RSF1: variants seen among roughly 807,000 people sequenced by gnomAD.
RSF1 encodes the protein HBV pX-associated protein 8.
In RSF1, 13 loss-of-function variants were observed where a neutral mutation model predicts 145.2. The ratio of observed to expected loss-of-function variants is 0.09; its 90% confidence interval spans 0.06 to 0.14. The LOEUF (loss-of-function observed/expected upper bound fraction) is 0.14. RSF1 is among the 10% of genes least tolerant of loss of function. The probability of loss-of-function intolerance (pLI) is 1.00; values close to 1 mark genes in which losing one functional copy is unlikely to be tolerated. For missense variants in RSF1, 1,517 were observed against 1,718.2 expected (o/e 0.88, Z 2.07); for synonymous variants, 577 against 592.6 (o/e 0.97, Z 0.38).
Position 77,819,926 on chromosome 11 carries a change from G to A in RSF1, c.187+602C>T, listed in dbSNP as rs890628786. On this transcript the variant is annotated intron_variant, in intron 1 of 15. Coordinates refer to ENST00000308488, the MANE Select transcript of RSF1 (RefSeq NM_016578.4). ...CCCACTTCAAGGAAGGAGTTTTAGG[G>A]GTTAAAGCAGCCCTCGAGGGGAAGG... 5.3e-5 allele frequency among the ~76,000 whole-genome samples: 8 copies of A among 152,178 alleles called. No individual in the cohort carries two copies. In the East Asian group the frequency reaches 9.7e-4, roughly 18 times the overall value.
rs1344481288 is a variant in RSF1, at chr11:77,801,204, G to A, written c.187+19324C>T. On this transcript the variant is annotated intron_variant, in intron 1 of 15. Coordinates refer to ENST00000308488, the MANE Select transcript of RSF1 (RefSeq NM_016578.4). ...GCACTTTGGGACACCAAGGTGGCTG[G>A]ATCACCTGAGGTCAGGAGTTTTGAG... 3.3e-5 allele frequency among the ~76,000 whole-genome samples: 5 copies of A among 152,242 alleles called. No homozygotes were observed. The East Asian group carries it at 9.7e-4, about 29-fold the overall frequency.
the RSF1 span, among the ~76,000 whole-genome samples, chr11:77,835,516 G>A: frequency 2.4e-3 from 359 of 152,214 alleles, 2 homozygotes; most frequent in Middle Eastern, 3.4e-3. Flanking sequence ...CATCTTCCTC[G>A]TTGATACTCC....
chr11:77,801,193 C>T (rs543354048), intron 1 of RSF1, among the ~76,000 whole-genome samples: 1 of 152,060 alleles, frequency 6.6e-6, no homozygotes, highest in Non-Finnish European at 1.5e-5. Context: ...TTTGGGACAC[C>T]AAGGTGGCTG....
At chr11:77,824,255 A>G (rs1456371980), upstream of RSF1, among the ~76,000 whole-genome samples, 1 of 152,252 alleles carries the variant, frequency 6.6e-6, no homozygotes, top group Non-Finnish European at 1.5e-5. Context: ...AGTGAGTTAT[A>G]TTTATCAGAC....
intron 6 of RSF1, among the ~76,000 whole-genome samples, chr11:77,700,349 C>CAAAAAAAAAAAA (rs71046906): frequency 1.3e-4 from 6 of 47,210 alleles, no homozygotes; most frequent in Admixed American, 3.5e-4. Context: ...GACTGTCTCA[C>CAAAAAAAAAAAA]AAAAAAAAAA....
chr11:77,676,126 T>C (rs1399234127), intron 13 of RSF1, among the ~76,000 whole-genome samples: 1 of 152,222 alleles, frequency 6.6e-6, no homozygotes, highest in Non-Finnish European at 1.5e-5. Flanking sequence ...TATCCTGCTT[T>C]TAGTCTCATA....
At chr11:77,801,889 GGCATGGTA>G (rs1287232728) in intron 1 of RSF1, among the ~76,000 whole-genome samples, 1 of 151,662 alleles carries the variant, frequency 6.6e-6, no homozygotes, top group Non-Finnish European at 1.5e-5. Flanking sequence ...AAACTGGCTG[GGCATGGTA>G]GCTCATGACT....
chr11:77,786,801 GA>G (rs1948461147), intron 1 of RSF1, among the ~76,000 whole-genome samples: 2 of 152,246 alleles, frequency 1.3e-5, no homozygotes, highest in South Asian at 4.2e-4. Flanking sequence ...TTACCTGACT[GA>G]AACAACTAAA....
At chr11:77,846,687 CAA>C in the RSF1 span, among the ~76,000 whole-genome samples, 2 of 152,180 alleles carry the variant, frequency 1.3e-5, no homozygotes, top group Non-Finnish European at 2.9e-5. Flanking sequence ...TCCTGGGTAA[CAA>C]GAGTGAAACT....
intron 13 of RSF1, among the ~76,000 whole-genome samples, chr11:77,675,702 A>G (rs1215086036): frequency 6.6e-6 from 1 of 152,146 alleles, no homozygotes; most frequent in African/African-American, 2.4e-5. Flanking sequence ...CTTAAAAGAT[A>G]ATCTCTCAAA....
intron 5 of RSF1, among the ~76,000 whole-genome samples, chr11:77,704,630 A>G (rs1181878047): frequency 6.6e-6 from 1 of 152,128 alleles, no homozygotes; most frequent in Non-Finnish European, 1.5e-5. Context: ...AAACTCACTG[A>G]TCTTTCTTCA....
chr11:77,702,138 G>A lies in RSF1; in HGVS notation c.1091C>T (p.Thr364Ile). 6.2e-7 allele frequency: 1 copy of A among 1,613,738 alleles called. No individual in the cohort carries two copies. Among genetic ancestry groups the A allele is most frequent in the Non-Finnish European group, 8.5e-7 (1 of 1,179,846 alleles). The change falls in exon 6 of 16, where the codon ACT becomes ATT. Residue 364 changes from threonine to isoleucine, a missense_variant. Transcript: ENST00000308488. ...CTCAGTTTCTTCAGTAGATTTCTCA[G>A]TAATTTCGTGAGAAGATTTAATATT... Reference protein sequence around the residue: ...GGNIKSSHEITEKSTEETEKL... With the variant: ...GGNIKSSHEIIEKSTEETEKL...
At chr11:77,801,391 G>A (rs540080576) in intron 1 of RSF1, among the ~76,000 whole-genome samples, 2 of 152,310 alleles carry the variant, frequency 1.3e-5, no homozygotes, top group South Asian at 4.1e-4. Context: ...GCTTGCCACT[G>A]CACTCCAGCC....
At chr11:77,745,365 T>TAA (rs1673500483) in intron 3 of RSF1, among the ~76,000 whole-genome samples, 1 of 152,188 alleles carries the variant, frequency 6.6e-6, no homozygotes, top group South Asian at 2.1e-4. Context: ...ATTAGGTTGT[T>TAA]ATTTGAGATC....
At chr11:77,745,179 T>C (rs1469989371) in intron 3 of RSF1, among the ~76,000 whole-genome samples, 1 of 152,200 alleles carries the variant, frequency 6.6e-6, no homozygotes, top group Non-Finnish European at 1.5e-5. Context: ...TTTCTTAGCC[T>C]AGCTAAAGGT....
chr11:77,789,128 G>A (rs117838055), intron 1 of RSF1, among the ~76,000 whole-genome samples: 1 of 152,302 alleles, frequency 6.6e-6, no homozygotes, highest in Non-Finnish European at 1.5e-5. Flanking sequence ...CATCAAATGG[G>A]AGCCAGGAGA....
chr11:77,823,395 A>T (rs1184276581), upstream of RSF1, among the ~76,000 whole-genome samples: 4 of 151,974 alleles, frequency 2.6e-5, no homozygotes, highest in Non-Finnish European at 5.9e-5. Flanking sequence ...CAAACGGGCA[A>T]GTGTATATCT....
chr11:77,820,478 AGCAGAGCGCCAGG>A (rs1053224103), intron 1 of RSF1, 37 bp downstream of exon 1: 2 of 1,524,162 alleles, frequency 1.3e-6, no homozygotes, highest in Non-Finnish European at 8.8e-7. Context: ...AGCGGAGAGT[AGCAGAGCGCCAGG>A]GCCGCTTCCC....
At chr11:77,702,897 CTTCAT>C (rs1199911273) in intron 5 of RSF1, 1 of 153,342 alleles carries the variant, frequency 6.5e-6, no homozygotes, top group African/African-American at 2.4e-5. Context: ...GAACTGAGCA[CTTCAT>C]TTCACTGAGG....
Sources: gnomAD v4.1 joint callset for allele counts (sites outside exome capture counted in the v4.1 genomes callset) on GRCh38, gnomAD v4.1.1 for gene constraint, MANE v1.5 for transcripts, NCBI Gene and HGNC (gene_info 2026-07-23, HGNC 2026-07-21) for gene names.